STPG2: variants seen among roughly 807,000 people sequenced by gnomAD.
The protein encoded by STPG2 is sperm tail PG-rich repeat containing 2.
STPG2 carries 56 observed loss-of-function variants against 54.2 expected under a neutral mutation model. The ratio of observed to expected loss-of-function variants is 1.03; its 90% CI spans 0.83 to 1.29. STPG2 has a LOEUF of 1.29. STPG2 is among the 50% of genes most tolerant of loss of function. The pLI, the probability that STPG2 is intolerant of heterozygous loss-of-function variation, is 0.00. For missense variants in STPG2, 596 were observed against 544.9 expected, an observed-to-expected ratio of 1.09 and a Z score of -0.93; for synonymous variants, 200 against 181.8, an observed-to-expected ratio of 1.10 and a Z score of -0.81.
chr4:97,526,386 T>A (rs1469641545), intron 4 of STPG2, among the ~76,000 whole-genome samples: 1 of 152,116 alleles, frequency 6.6e-6, no homozygotes, highest in Non-Finnish European at 1.5e-5. Context: ...TACCACAGGT[T>A]GTCTCCCAGA....
At chr4:98,071,255 T>C (rs1319088928) in intron 5 of STPG2, among the ~76,000 whole-genome samples, 1 of 152,054 alleles carries the variant, frequency 6.6e-6, no homozygotes, top group Admixed American at 6.6e-5. Flanking sequence ...AAGTCAGAAA[T>C]AAGACTGCAT....
chr4:97,892,436 C>A (rs1029856208), intron 8 of STPG2, among the ~76,000 whole-genome samples: 20 of 152,032 alleles, frequency 1.3e-4, no homozygotes, highest in Non-Finnish European at 2.5e-4. Context: ...TTCCTAATAC[C>A]CTATATGGCC....
chr4:97,993,974 C>T (rs959587813), intron 5 of STPG2, among the ~76,000 whole-genome samples: 31 of 148,226 alleles, frequency 2.1e-4, no homozygotes, highest in African/African-American at 7.4e-4. Context: ...GATCTTCTCT[C>T]TTCATTTCTT....
rs547393004 is a variant in STPG2 at position 97,934,296 on chromosome 4, T to G, written c.1044+9601A>C. Among the ~76,000 whole-genome samples the G allele has an allele frequency of 2.0e-5, 3 of 152,324 alleles. No individual in the cohort carries two copies. The East Asian group carries it at 5.8e-4, about 29-fold the overall frequency. On this transcript the variant is annotated intron_variant, in intron 8 of 10. Coordinates refer to ENST00000295268, the MANE Select transcript of STPG2 (RefSeq NM_174952.3). ...GTGGTTTTCTAGATATAGGATCATA[T>G]TGTCTGCAAACAGAGACAATCTGAC...
chr4:97,457,107 T>C (rs1176516231), intron 4 of STPG2, among the ~76,000 whole-genome samples: 2 of 151,984 alleles, frequency 1.3e-5, no homozygotes, highest in Admixed American at 6.6e-5. Context: ...TAATACCAAA[T>C]AGTGGTGAGG....
chr4:97,506,449 A>T (rs1730846584), intron 4 of STPG2, among the ~76,000 whole-genome samples: 1 of 152,036 alleles, frequency 6.6e-6, no homozygotes. Context: ...TTCCAGACAA[A>T]TAAAAACTGA....
chr4:97,851,545 C>A (rs1309791531), intron 8 of STPG2, among the ~76,000 whole-genome samples: 1 of 152,056 alleles, frequency 6.6e-6, no homozygotes, highest in African/African-American at 2.4e-5. Flanking sequence ...GTTCACCTTT[C>A]TGTGTTGTAT....
intron 5 of STPG2, among the ~76,000 whole-genome samples, chr4:98,055,581 C>A (rs1279837376): frequency 6.6e-6 from 1 of 152,182 alleles, no homozygotes; most frequent in South Asian, 2.1e-4. Flanking sequence ...CTACTATGGA[C>A]ACTTGAGGTG....
intron 8 of STPG2, among the ~76,000 whole-genome samples, chr4:97,883,176 T>C (rs953279625): frequency 6.6e-6 from 1 of 151,064 alleles, no homozygotes; most frequent in Non-Finnish European, 1.5e-5. Context: ...TATATACACA[T>C]ATATACATAT....
At chr4:97,884,098 A>T (rs985665125) in intron 8 of STPG2, among the ~76,000 whole-genome samples, 1 of 152,122 alleles carries the variant, frequency 6.6e-6, no homozygotes, top group Non-Finnish European at 1.5e-5. Context: ...CAATAAACTC[A>T]TTCAAAACAA....
chr4:97,658,742 GA>G (rs528915695), intron 10 of STPG2, among the ~76,000 whole-genome samples: 6 of 152,150 alleles, frequency 3.9e-5, no homozygotes, highest in Non-Finnish European at 8.8e-5. Flanking sequence ...CTTTTTCTAA[GA>G]AATTAAATTT....
At chr4:97,888,633 A>G (rs1730665140) in intron 8 of STPG2, among the ~76,000 whole-genome samples, 1 of 152,178 alleles carries the variant, frequency 6.6e-6, no homozygotes, top group Non-Finnish European at 1.5e-5. Flanking sequence ...GTCTCATATA[A>G]GACTTTGGAC....
chr4:98,018,728 T>C (rs889709482), intron 5 of STPG2, among the ~76,000 whole-genome samples: 1 of 151,874 alleles, frequency 6.6e-6, no homozygotes, highest in East Asian at 1.9e-4. Flanking sequence ...TGTGAGATGG[T>C]ATCTCATTGT....
intron 8 of STPG2, among the ~76,000 whole-genome samples, chr4:97,866,644 C>T (rs1729792915): frequency 6.6e-6 from 1 of 151,916 alleles, no homozygotes; most frequent in African/African-American, 2.4e-5. Context: ...ATGTGTGATA[C>T]AGAATATAGA....
chr4:97,549,364 C>G (rs561888445), intron 4 of STPG2, among the ~76,000 whole-genome samples: 2 of 152,108 alleles, frequency 1.3e-5, no homozygotes, highest in Non-Finnish European at 2.9e-5. Context: ...ATTAGTTTCA[C>G]TATATCTAAG....
chr4:97,969,383 T>C (rs1400858534), intron 7 of STPG2, among the ~76,000 whole-genome samples: 2 of 152,180 alleles, frequency 1.3e-5, no homozygotes, highest in African/African-American at 4.8e-5. Flanking sequence ...TCTCACCTCA[T>C]AATCAAATGA....
intron 6 of STPG2, among the ~76,000 whole-genome samples, chr4:97,974,472 C>T (rs1276671529): frequency 6.6e-6 from 1 of 152,048 alleles, no homozygotes; most frequent in Non-Finnish European, 1.5e-5. Context: ...GGGAGGGGCC[C>T]AGGGTAGAAT....
At chr4:97,470,828 G>T (rs1268572572) in intron 4 of STPG2, among the ~76,000 whole-genome samples, 5 of 152,062 alleles carry the variant, frequency 3.3e-5, no homozygotes, top group Non-Finnish European at 7.4e-5. Flanking sequence ...GAAGTGAGCT[G>T]AATGACATAG....
At chr4:98,073,569 T>C (rs1005335313) in intron 5 of STPG2, among the ~76,000 whole-genome samples, 2 of 151,980 alleles carry the variant, frequency 1.3e-5, no homozygotes, top group South Asian at 2.1e-4. Context: ...CTACTAAAAA[T>C]ACAAAAAATT....
Sources: gnomAD v4.1 joint callset for allele counts (sites outside exome capture counted in the v4.1 genomes callset) on GRCh38, gnomAD v4.1.1 for gene constraint, MANE v1.5 for transcripts, NCBI Gene and HGNC (gene_info 2026-07-23, HGNC 2026-07-21) for gene names.